The following HSPA14 variants were observed in gnomAD, a reference collection of about 807,000 sequenced individuals.
The protein encoded by HSPA14 is heat shock protein family A (Hsp70) member 14.
In HSPA14, 37 loss-of-function variants were observed where a neutral mutation model predicts 65.5. That is an observed-to-expected ratio of 0.56 (90% CI 0.43 to 0.74). HSPA14 has a LOEUF of 0.74. Ranked by LOEUF, HSPA14 falls within the 30% of genes least tolerant of loss-of-function variation. HSPA14 has a pLI of 0.00. For synonymous variants in HSPA14, 203 were observed against 214.2 expected, an observed-to-expected ratio of 0.95 and a Z score of 0.46; for missense variants, 564 against 607.6, an observed-to-expected ratio of 0.93 and a Z score of 0.75.
At chr10:14,848,691 A>G in intron 4 of HSPA14, 34 bp downstream of exon 4, 2 of 1,554,916 alleles carry the variant, frequency 1.3e-6, no homozygotes, top group African/African-American at 1.4e-5. Context: ...TCCCTGTTAC[A>G]TAGAGTAATT....
At chr10:14,853,427 T>C (rs555502709) in intron 8 of HSPA14, among the ~76,000 whole-genome samples, 73 of 152,350 alleles carry the variant, frequency 4.8e-4, no homozygotes, top group Admixed American at 1.3e-3. Flanking sequence ...AAGGGTAAAA[T>C]AGGAGACTTT....
Position 14,870,590 on chromosome 10 carries a change from T to C in HSPA14, c.1381-7T>C. 6.3e-7 allele frequency: 1 copy of C among 1,583,562 alleles called. No homozygotes were observed. The highest frequency in any genetic ancestry group is 8.6e-7 in the Non-Finnish European group (1 of 1,160,556). ...GAATTCTCTTCATATTGTTCTTGTATAAACAGGTTGTACTCCAGGATTTAG... is the reference window on the plus strand; with the variant it reads ...GAATTCTCTTCATATTGTTCTTGTACAAACAGGTTGTACTCCAGGATTTAG... On this transcript the variant is annotated splice_polypyrimidine_tract_variant and splice_region_variant and intron_variant, in intron 12 of 13. Transcript: ENST00000378372.
chr10:14,842,185 A>G lies in HSPA14; in HGVS notation c.221+2028A>G, dbSNP rs1178270278. On this transcript the variant is annotated intron_variant, in intron 3 of 13. Transcript: ENST00000378372. This position sits in a 1 kb window ranked among gnomAD's most constrained non-coding sequence, Gnocchi z 5.2. ...TTCTCAGCAATTATCCCTGAGAGGGAAGATCCTGGAGATATCCTGAGAGCA... is the reference window on the plus strand; with the variant it reads ...TTCTCAGCAATTATCCCTGAGAGGGGAGATCCTGGAGATATCCTGAGAGCA... 1 of 1,535,140 alleles carries G rather than the reference A, an allele frequency of 6.5e-7. No individual in the cohort carries two copies. Among genetic ancestry groups the G allele is most frequent in the Non-Finnish European group, 8.7e-7 (1 of 1,146,844 alleles).
chr10:14,856,330 T>C (rs1027959523), intron 10 of HSPA14, among the ~76,000 whole-genome samples: 11 of 152,218 alleles, frequency 7.2e-5, no homozygotes, highest in African/African-American at 2.7e-4. Context: ...TATCCTAGTT[T>C]TGTACGTGAA....
intron 6 of HSPA14, among the ~76,000 whole-genome samples, chr10:14,850,033 C>T (rs2400104): frequency 3.3e-5 from 5 of 151,782 alleles, no homozygotes; most frequent in African/African-American, 7.3e-5. Flanking sequence ...GGGACACTGA[C>T]GGGGGGGCGG....
At chr10:14,871,465 T>G (rs1461988291) in intron 13 of HSPA14, 63 bp from the exon 14 acceptor site, 4 of 953,778 alleles carry the variant, frequency 4.2e-6, no homozygotes, top group Non-Finnish European at 6.6e-6. Flanking sequence ...AGTAACTTGT[T>G]ACAGACTTTA....
At chr10:14,848,206 G>A (rs1429924902) in intron 3 of HSPA14, among the ~76,000 whole-genome samples, 3 of 152,156 alleles carry the variant, frequency 2.0e-5, no homozygotes, top group African/African-American at 7.2e-5. Flanking sequence ...ACCAAGCAAC[G>A]AAGATGGTCT....
At chr10:14,852,577 TTCACA>T (rs1427597672) in intron 8 of HSPA14, 46 bp downstream of exon 8, 2 of 1,405,396 alleles carry the variant, frequency 1.4e-6, no homozygotes, top group Non-Finnish European at 1.9e-6. Flanking sequence ...GAGGTTTTCC[TTCACA>T]TATTTTAATT....
At chr10:14,856,477 A>G (rs930814720) in intron 10 of HSPA14, among the ~76,000 whole-genome samples, 4 of 152,238 alleles carry the variant, frequency 2.6e-5, no homozygotes, top group Admixed American at 6.5e-5. Flanking sequence ...GCTTAGGAAC[A>G]TATTTTTAGA....
At chr10:14,866,550 G>C (rs1832808357) in intron 10 of HSPA14, among the ~76,000 whole-genome samples, 1 of 152,164 alleles carries the variant, frequency 6.6e-6, no homozygotes, top group Non-Finnish European at 1.5e-5. Flanking sequence ...TCTTCAGAAA[G>C]ATTTAATCAG....
At chr10:14,856,088 A>G in intron 10 of HSPA14, 145 bp downstream of exon 10, 1 of 615,332 alleles carries the variant, frequency 1.6e-6, no homozygotes, top group Non-Finnish European at 2.9e-6. Flanking sequence ...AATTGATGAA[A>G]TTTTGATTAA....
Position 14,867,340 on chromosome 10 carries a change from C to T in HSPA14, c.1206+45C>T, listed in dbSNP as rs769887473. 34 of 1,292,900 alleles carry T rather than the reference C, an allele frequency of 2.6e-5. No individual in the cohort carries two copies. In the South Asian group the frequency reaches 3.9e-4, roughly 15 times the overall value. The allele number at this position is 1,292,900 out of a possible 1,614,324, so 80.1% of individuals were successfully genotyped here. ...ACTAGTTAAGGTATGTTTAGCTTTT[C>T]TATACTTTACATAAAAATAGTAAAT... On this transcript the variant is annotated intron_variant, in intron 11 of 13. Coordinates refer to ENST00000378372, the MANE Select transcript of HSPA14 (RefSeq NM_016299.4).
intron 12 of HSPA14, among the ~76,000 whole-genome samples, chr10:14,869,238 T>C (rs1246256798): frequency 6.8e-6 from 1 of 147,228 alleles, no homozygotes; most frequent in Non-Finnish European, 1.5e-5. Context: ...TGTACGTGTG[T>C]GTGTGTGTGT....
At chr10:14,868,748 C>A (rs1320787676) in intron 12 of HSPA14, among the ~76,000 whole-genome samples, 2 of 152,100 alleles carry the variant, frequency 1.3e-5, no homozygotes, top group Non-Finnish European at 2.9e-5. Flanking sequence ...ACTTTTGACA[C>A]CTTATACTGA....
intron 10 of HSPA14, among the ~76,000 whole-genome samples, chr10:14,862,530 A>G (rs985434038): frequency 6.7e-6 from 1 of 150,350 alleles, no homozygotes; most frequent in Non-Finnish European, 1.5e-5. Flanking sequence ...GCCCGCCACC[A>G]CGCCTGGCTA....
At chr10:14,846,297 T>C (rs1303796935) in intron 3 of HSPA14, 1 of 985,430 alleles carries the variant, frequency 1.0e-6, no homozygotes, top group African/African-American at 1.7e-5. Context: ...CTGTATTCTA[T>C]AAATCTATTA....
chr10:14,860,938 G>C lies in HSPA14; in HGVS notation c.993+4995G>C, dbSNP rs112008562. 9.1e-3 allele frequency among the ~76,000 whole-genome samples: 1,387 copies of C among 152,210 alleles called. 19 individuals are homozygous for C. Among genetic ancestry groups the C allele is most frequent in the African/African-American group, 0.031 (1,276 of 41,540 alleles). ...GCAAGCTAGAAGGGCATCTGGCACC[G>C]GACCAGCCAGTGAGAAGGAAGAGAA... On this transcript the variant is annotated intron_variant, in intron 10 of 13. Coordinates refer to ENST00000378372, the MANE Select transcript of HSPA14 (RefSeq NM_016299.4).
At chr10:14,850,261 C>T (rs1252993497) in intron 6 of HSPA14, among the ~76,000 whole-genome samples, 1 of 142,460 alleles carries the variant, frequency 7.0e-6, no homozygotes, top group Non-Finnish European at 1.5e-5. Context: ...GACAGCGAGA[C>T]TTCGTCTCAA....
At chr10:14,843,540 A>T (rs1424030099) in intron 3 of HSPA14, 1 of 1,550,688 alleles carries the variant, frequency 6.4e-7, no homozygotes, top group Non-Finnish European at 8.7e-7. Context: ...CGCAGACTCC[A>T]GTCTCCTCTT....
Sources: gnomAD v4.1 joint callset for allele counts (sites outside exome capture counted in the v4.1 genomes callset) on GRCh38, gnomAD v4.1.1 for gene constraint, Gnocchi (gnomAD v3.1) non-coding constraint, MANE v1.5 for transcripts, NCBI Gene and HGNC (gene_info 2026-07-23, HGNC 2026-07-21) for gene names.